SNAPC3: variants seen among roughly 807,000 people sequenced by gnomAD.
SNAPC3 encodes the protein snRNA-activating protein complex subunit 3.
In SNAPC3, 56 loss-of-function variants were observed where a neutral mutation model predicts 47.7. That is an observed-to-expected ratio of 1.18 (90% CI 0.95 to 1.47). SNAPC3 has a LOEUF of 1.47. SNAPC3 is among the 40% of genes most tolerant of loss of function. SNAPC3 has a pLI of 0.00. For missense variants in SNAPC3, 665 were observed against 511.3 expected (o/e 1.30, Z -2.90); for synonymous variants, 235 against 189.9 (o/e 1.24, Z -1.95).
intron 3 of SNAPC3, among the ~76,000 whole-genome samples, chr9:15,435,563 ACT>A (rs1244360003): frequency 6.7e-6 from 1 of 148,534 alleles, no homozygotes; most frequent in Admixed American, 6.7e-5. Flanking sequence ...ACAGAATGAG[ACT>A]CTGTCTCAAA....
rs199787791 is a variant in SNAPC3 at position 15,457,955 on chromosome 9, A to T, written c.981-5A>T. 6.4e-7 allele frequency: 1 copy of T among 1,551,210 alleles called. No homozygotes were observed. Among genetic ancestry groups the T allele is most frequent in the Non-Finnish European group, 8.7e-7 (1 of 1,144,566 alleles). On this transcript the variant is annotated splice_region_variant and splice_polypyrimidine_tract_variant and intron_variant, in intron 7 of 8. Transcript: ENST00000380821. ...TTAATATCTTTATTTTCCCACGAAC[A>T]AAAGGCTTGTGCATCATGATGACTG...
chr9:15,455,821 C>A (rs1433083992), intron 7 of SNAPC3, among the ~76,000 whole-genome samples: 1 of 152,042 alleles, frequency 6.6e-6, no homozygotes, highest in Admixed American at 6.6e-5. Context: ...GCCTTAGCCT[C>A]CCAAGTAGCT....
intron 7 of SNAPC3, chr9:15,453,491 TAG>T: frequency 4.1e-6 from 1 of 241,626 alleles, no homozygotes; most frequent in Non-Finnish European, 7.8e-6. Flanking sequence ...TTGTATTAAA[TAG>T]CTGTTATTCA....
In SNAPC3 at chr9:15,461,599, AAAAT is replaced by A. The variant is rs1563858004; in HGVS notation, c.*1742_*1745del. The A allele has an allele frequency of 6.6e-6, 1 of 152,376 alleles. No homozygotes were observed. Among genetic ancestry groups the A allele is most frequent in the East Asian group, 1.9e-4 (1 of 5,192 alleles). 9.4% of individuals were successfully genotyped at this position (152,376 alleles called of 1,614,324 possible). A position where few individuals can be genotyped will look rare whatever the true frequency, so the allele number is the denominator to read the frequency against. Reference sequence around the variant, plus strand: ...ACTATAGATTTCAAATGCATCATTTAAAATAAATAAATTCCACTTTCTCTCTCCT... The same window carrying A: ...ACTATAGATTTCAAATGCATCATTTAAAATAAATTCCACTTTCTCTCTCCT... On this transcript the variant is annotated 3_prime_UTR_variant, in exon 9 of 9. Coordinates refer to ENST00000380821, the MANE Select transcript of SNAPC3 (RefSeq NM_001039697.2).
At chr9:15,447,052 G>T in intron 4 of SNAPC3, 43 bp from the exon 5 acceptor site, 2 of 1,557,768 alleles carry the variant, frequency 1.3e-6, no homozygotes, top group Non-Finnish European at 1.8e-6. Flanking sequence ...TAGTTTTATC[G>T]CTTTGTCTCT....
chr9:15,458,191 T>G (rs1441207216), intron 8 of SNAPC3, 124 bp downstream of exon 8: 2 of 545,328 alleles, frequency 3.7e-6, no homozygotes, highest in Non-Finnish European at 6.3e-6. Flanking sequence ...TATCATCTAG[T>G]AGGGAAGTGC....
At chr9:15,442,675 G>A (rs1410788258) in intron 3 of SNAPC3, among the ~76,000 whole-genome samples, 4 of 150,640 alleles carry the variant, frequency 2.7e-5, no homozygotes, top group East Asian at 2.0e-4. Flanking sequence ...GAGACGCTCC[G>A]CACTTCCCAG....
chr9:15,465,358 C>T (rs565078481), downstream of SNAPC3: 11 of 608,612 alleles, frequency 1.8e-5, no homozygotes, highest in Middle Eastern at 4.1e-4. Context: ...GTACACTTAG[C>T]GATAATGTTT....
At chr9:15,434,664 C>T (rs1395918522) in intron 3 of SNAPC3, among the ~76,000 whole-genome samples, 2 of 152,086 alleles carry the variant, frequency 1.3e-5, no homozygotes, top group East Asian at 3.9e-4. Flanking sequence ...CTTCGGCCTC[C>T]CAAAGTGCTG....
intron 7 of SNAPC3, among the ~76,000 whole-genome samples, chr9:15,455,859 C>T (rs774294894): frequency 4.6e-5 from 7 of 151,300 alleles, no homozygotes; most frequent in African/African-American, 7.3e-5. Flanking sequence ...CCACCTTGTC[C>T]GGCTAATTTT....
chr9:15,466,685 G>T, downstream of SNAPC3: 1 of 1,307,884 alleles, frequency 7.6e-7, no homozygotes, highest in Non-Finnish European at 1.1e-6. Flanking sequence ...CCTTGGAACA[G>T]AACTGTGATT....
chr9:15,448,101 C>A (rs1469395257), intron 5 of SNAPC3, among the ~76,000 whole-genome samples: 1 of 152,084 alleles, frequency 6.6e-6, no homozygotes, highest in Admixed American at 6.6e-5. Context: ...GATAGCATCT[C>A]CTAGAGATAA....
chr9:15,443,223 C>T (rs1016110389), intron 3 of SNAPC3, among the ~76,000 whole-genome samples: 2 of 152,050 alleles, frequency 1.3e-5, no homozygotes, highest in African/African-American at 4.8e-5. Context: ...AGGGAGCTAA[C>T]GTCTTTGTTT....
chr9:15,434,940 G>T (rs1020297851), intron 3 of SNAPC3, among the ~76,000 whole-genome samples: 1 of 152,004 alleles, frequency 6.6e-6, no homozygotes, highest in South Asian at 2.1e-4. Context: ...TTTATTTTGC[G>T]TCTGCCCCTA....
At chr9:15,440,589 G>A (rs1032596097) in intron 3 of SNAPC3, among the ~76,000 whole-genome samples, 3 of 152,208 alleles carry the variant, frequency 2.0e-5, no homozygotes, top group African/African-American at 7.2e-5. Context: ...TACTGAGAAG[G>A]TTGAGGCAGA....
Position 15,436,063 on chromosome 9 carries a change from C to T in SNAPC3, c.477+2427C>T, listed in dbSNP as rs368029152. Among the ~76,000 whole-genome samples, 5 of 152,156 alleles carry T rather than the reference C, an allele frequency of 3.3e-5. 1 individual carries two copies. Among genetic ancestry groups the T allele is most frequent in the Admixed American group, 1.3e-4 (2 of 15,280 alleles). On this transcript the variant is annotated intron_variant, in intron 3 of 8. Transcript: ENST00000380821. Reference sequence around the variant, plus strand: ...TTCACCATGTTGGCTAGGATGGTCTCGAACTCCTGACCTCAGGTGATCCAT... The same window carrying T: ...TTCACCATGTTGGCTAGGATGGTCTTGAACTCCTGACCTCAGGTGATCCAT...
At chr9:15,434,720 C>T (rs535989309) in intron 3 of SNAPC3, among the ~76,000 whole-genome samples, 2 of 152,118 alleles carry the variant, frequency 1.3e-5, no homozygotes, top group Admixed American at 6.5e-5. Flanking sequence ...GCATATTTTA[C>T]GTAGCATAAT....
At chr9:15,437,737 G>A (rs755126223) in intron 3 of SNAPC3, among the ~76,000 whole-genome samples, 2 of 151,310 alleles carry the variant, frequency 1.3e-5, no homozygotes, top group African/African-American at 2.4e-5. Context: ...CTTGGTTGTG[G>A]GATTCAATAA....
intron 3 of SNAPC3, among the ~76,000 whole-genome samples, chr9:15,438,061 T>A (rs1466660212): frequency 1.3e-5 from 2 of 152,208 alleles, no homozygotes; most frequent in African/African-American, 4.8e-5. Flanking sequence ...ACTCTGGTAT[T>A]AATTCTTTTA....
Sources: allele counts gnomAD v4.1 joint callset (sites outside exome capture counted in the v4.1 genomes callset), GRCh38; gene constraint gnomAD v4.1.1; transcripts MANE v1.5; gene names NCBI Gene and HGNC (gene_info 2026-07-23, HGNC 2026-07-21).